The following SH3RF1 variants were observed in gnomAD, a reference collection of about 807,000 sequenced individuals.
SH3RF1 encodes E3 ubiquitin-protein ligase SH3RF1.
Under a neutral mutation model 74.0 loss-of-function variants are expected in SH3RF1, and 32 were observed. The observed-to-expected ratio is 0.43, with a 90% CI of 0.33 to 0.58. The LOEUF (loss-of-function observed/expected upper bound fraction) is 0.58. Among genes scored for constraint, SH3RF1 ranks in the 20% least tolerant of loss-of-function variants. The probability of loss-of-function intolerance (pLI) is 0.05; values close to 1 mark genes in which losing one functional copy is unlikely to be tolerated. For missense variants in SH3RF1, 954 were observed against 1,130.9 expected, an observed-to-expected ratio of 0.84 and a Z score of 2.24; for synonymous variants, 396 against 439.6, an observed-to-expected ratio of 0.90 and a Z score of 1.24.
chr4:169,182,505 T>C (rs980795156), intron 2 of SH3RF1, among the ~76,000 whole-genome samples: 1 of 152,218 alleles, frequency 6.6e-6, no homozygotes, highest in Admixed American at 6.5e-5. Context: ...GTTTTGAGGG[T>C]ATAGAAACTA....
intron 2 of SH3RF1, among the ~76,000 whole-genome samples, chr4:169,215,215 T>C (rs1257507759): frequency 6.6e-6 from 1 of 152,208 alleles, no homozygotes; most frequent in Non-Finnish European, 1.5e-5. Context: ...TATGACCATA[T>C]AGTTTTTCTT....
intron 2 of SH3RF1, among the ~76,000 whole-genome samples, chr4:169,172,366 T>C (rs551115579): frequency 9.9e-5 from 15 of 152,242 alleles, no homozygotes; most frequent in Non-Finnish European, 1.5e-4. Flanking sequence ...TACATGGATA[T>C]ACCTGTACTC....
chr4:169,155,459 A>G, intron 4 of SH3RF1, 21 bp downstream of exon 4: 2 of 1,550,522 alleles, frequency 1.3e-6, no homozygotes, highest in Non-Finnish European at 1.8e-6. Flanking sequence ...ACACAGTTCA[A>G]GTTTCTACAG....
chr4:169,262,081 T>C (rs1203132084), intron 2 of SH3RF1, among the ~76,000 whole-genome samples: 1 of 152,134 alleles, frequency 6.6e-6, no homozygotes, highest in Non-Finnish European at 1.5e-5. Flanking sequence ...ATGTGTATAT[T>C]ATACATCAAT....
chr4:169,184,780 C>T (rs1734576699), intron 2 of SH3RF1, among the ~76,000 whole-genome samples: 1 of 152,182 alleles, frequency 6.6e-6, no homozygotes, highest in Admixed American at 6.5e-5. Context: ...AAAGTCTGCA[C>T]TCTAGGGTGT....
chr4:169,111,867 C>A (rs923294015), intron 10 of SH3RF1, among the ~76,000 whole-genome samples: 1 of 152,084 alleles, frequency 6.6e-6, no homozygotes, highest in Non-Finnish European at 1.5e-5. Context: ...AGTGCAGACA[C>A]CAAAGTTAGC....
At chr4:169,204,567 T>C (rs1254109587) in intron 2 of SH3RF1, among the ~76,000 whole-genome samples, 4 of 151,006 alleles carry the variant, frequency 2.6e-5, no homozygotes, top group African/African-American at 9.8e-5. Context: ...TTTTTTTTTT[T>C]TTGAGACGGA....
chr4:169,221,751 T>C (rs539511954), intron 2 of SH3RF1, among the ~76,000 whole-genome samples: 1 of 152,322 alleles, frequency 6.6e-6, no homozygotes, highest in African/African-American at 2.4e-5. Context: ...TTTTACCCCA[T>C]AAAATTTGCC....
intron 11 of SH3RF1, among the ~76,000 whole-genome samples, chr4:169,098,488 C>T (rs1732966374): frequency 6.6e-6 from 1 of 152,158 alleles, no homozygotes; most frequent in Non-Finnish European, 1.5e-5. Flanking sequence ...GCAAGAGTCC[C>T]AGACTATTAC....
intron 2 of SH3RF1, among the ~76,000 whole-genome samples, chr4:169,169,822 G>A (rs1257783936): frequency 1.3e-5 from 2 of 152,000 alleles, no homozygotes; most frequent in Non-Finnish European, 2.9e-5. Flanking sequence ...CGACCTCCTG[G>A]GCTCAAGCAA....
chr4:169,232,881 C>T (rs1012412994), intron 2 of SH3RF1, among the ~76,000 whole-genome samples: 1 of 152,124 alleles, frequency 6.6e-6, no homozygotes, highest in Non-Finnish European at 1.5e-5. Context: ...AACATATAAT[C>T]TACTAGTCTA....
intron 2 of SH3RF1, among the ~76,000 whole-genome samples, chr4:169,237,802 A>C (rs948724836): frequency 2.6e-5 from 4 of 152,206 alleles, no homozygotes; most frequent in Non-Finnish European, 4.4e-5. Context: ...TATAAGAAAT[A>C]AGAAATAAGC....
At chr4:169,165,559 C>CGTGCCT (rs1215073404) in intron 2 of SH3RF1, among the ~76,000 whole-genome samples, 3 of 149,996 alleles carry the variant, frequency 2.0e-5, no homozygotes, top group Non-Finnish European at 4.4e-5. Context: ...TATGGTGGCA[C>CGTGCCT]GTGCCTGTAG....
chr4:169,162,175 A>G (rs1561040847), intron 2 of SH3RF1, among the ~76,000 whole-genome samples: 1 of 152,208 alleles, frequency 6.6e-6, no homozygotes, highest in Non-Finnish European at 1.5e-5. Flanking sequence ...AAGTAAAAAA[A>G]AATAGAATGT....
intron 2 of SH3RF1, among the ~76,000 whole-genome samples, chr4:169,254,199 A>G (rs1480914959): frequency 6.6e-6 from 1 of 152,232 alleles, no homozygotes. Flanking sequence ...CTGGAATGTG[A>G]GTAGTCATCT....
At chr4:169,178,281 T>TAAGCAACTATGCTTATTTAAAA (rs1734453813) in intron 2 of SH3RF1, among the ~76,000 whole-genome samples, 3 of 114,022 alleles carry the variant, frequency 2.6e-5, no homozygotes, top group Non-Finnish European at 5.4e-5. Flanking sequence ...AATTTTTTTT[T>TAAGCAACTATGCTTATTTAAAA]AAATAAGCAA....
intron 2 of SH3RF1, among the ~76,000 whole-genome samples, chr4:169,186,874 C>A (rs1365548335): frequency 2.7e-5 from 4 of 149,068 alleles, no homozygotes; most frequent in African/African-American, 4.9e-5. Context: ...ATTAGCGGGG[C>A]GTGGTGGCGG....
intron 2 of SH3RF1, among the ~76,000 whole-genome samples, chr4:169,202,338 T>C (rs180763763): frequency 6.1e-4 from 93 of 152,286 alleles, no homozygotes; most frequent in Non-Finnish European, 1.2e-3. Flanking sequence ...CAACCTTGAC[T>C]CTCAGCCCTC....
Position 169,126,026 on chromosome 4 carries a change from C to T in SH3RF1, c.1180-3760G>A, listed in dbSNP as rs926496810. Among the ~76,000 whole-genome samples, 8 of 152,340 alleles carry T rather than the reference C, an allele frequency of 5.3e-5. No homozygotes were observed. In the South Asian group the frequency reaches 6.2e-4, roughly 12 times the overall value. On this transcript the variant is annotated intron_variant, in intron 6 of 11. Coordinates refer to ENST00000284637, the MANE Select transcript of SH3RF1 (RefSeq NM_020870.4). ...CATAAGGTCTCTATGTTTCACTATA[C>T]CAACCTGAGAGATGGAGTTAATAAT...
Sources: gnomAD v4.1 joint callset for allele counts (sites outside exome capture counted in the v4.1 genomes callset) on GRCh38, gnomAD v4.1.1 for gene constraint, MANE v1.5 for transcripts, NCBI Gene and HGNC (gene_info 2026-07-23, HGNC 2026-07-21) for gene names.